The following SERAC1 variants were observed in gnomAD, a reference collection of about 807,000 sequenced individuals.
The protein encoded by SERAC1 is serine active site containing 1, also known as protein SERAC1.
In SERAC1, 36 loss-of-function variants were observed where a neutral mutation model predicts 85.7. The ratio of observed to expected loss-of-function variants is 0.42; its 90% confidence interval spans 0.32 to 0.55. SERAC1 has a LOEUF of 0.55. SERAC1 is among the 20% of genes least tolerant of loss of function. The pLI, the probability that SERAC1 is intolerant of heterozygous loss-of-function variation, is 0.11. For missense variants in SERAC1, 629 were observed against 796.2 expected, an observed-to-expected ratio of 0.79 and a Z score of 2.53; for synonymous variants, 242 against 265.3, an observed-to-expected ratio of 0.91 and a Z score of 0.85.
chr6:158,152,064 G>A (rs1448042374), intron 3 of SERAC1, among the ~76,000 whole-genome samples: 1 of 152,062 alleles, frequency 6.6e-6, no homozygotes, highest in Non-Finnish European at 1.5e-5. Context: ...GTTAATTATT[G>A]AAGAAAAAAA....
chr6:158,135,911 A>G (rs926760160), intron 8 of SERAC1, among the ~76,000 whole-genome samples: 4 of 152,024 alleles, frequency 2.6e-5, no homozygotes, highest in Admixed American at 2.0e-4. Flanking sequence ...CCCGGTTCAC[A>G]CCATTCTCCT....
chr6:158,148,802 T>C (rs1282807005), intron 5 of SERAC1, 63 bp downstream of exon 5: 1 of 1,172,894 alleles, frequency 8.5e-7, no homozygotes, highest in African/African-American at 1.6e-5. Flanking sequence ...AAGTATCAGG[T>C]TGATCATTCC....
rs1784099577 is a variant in SERAC1, at chr6:158,109,755, C to T, written c.*1611G>A. 3.9e-5 allele frequency: 6 copies of T among 152,114 alleles called. No homozygotes were observed. In the South Asian group the frequency reaches 1.2e-3, roughly 32 times the overall value. The allele number at this position is 152,114 out of a possible 1,614,324, so 9.4% of individuals were successfully genotyped here. A position where few individuals can be genotyped will look rare whatever the true frequency, so the allele number is the denominator to read the frequency against. ...ACAAAAATGAACAGAACCTAGATGT[C>T]CATCAGCTGATGAATGGATAAAGAA... On this transcript the variant is annotated 3_prime_UTR_variant, in exon 17 of 17. Transcript: ENST00000647468.
At chr6:158,130,920 AAAAG>A (rs1223144324) in intron 8 of SERAC1, among the ~76,000 whole-genome samples, 2 of 152,352 alleles carry the variant, frequency 1.3e-5, no homozygotes, top group South Asian at 4.1e-4. Context: ...GGACAAGTTA[AAAAG>A]AAAGAACACG....
chr6:158,122,291 C>T (rs867962711), intron 10 of SERAC1, among the ~76,000 whole-genome samples: 16 of 152,202 alleles, frequency 1.1e-4, no homozygotes, highest in Non-Finnish European at 4.4e-5. Context: ...CAGAATGTTT[C>T]TCCACTATTA....
intron 1 of SERAC1, chr6:158,160,926 CCTTA>C (rs1209651967): frequency 1.3e-5 from 2 of 152,264 alleles, no homozygotes; most frequent in African/African-American, 4.8e-5. Flanking sequence ...CAGTTTCCTT[CCTTA>C]CTTTTGTTTC....
chr6:158,164,152 C>T (rs1337505322), intron 1 of SERAC1, among the ~76,000 whole-genome samples: 1 of 152,064 alleles, frequency 6.6e-6, no homozygotes, highest in East Asian at 1.9e-4. Flanking sequence ...ATTTTAGAGT[C>T]TGCTTGTCAA....
intron 8 of SERAC1, among the ~76,000 whole-genome samples, chr6:158,136,107 G>A (rs549065061): frequency 2.0e-5 from 3 of 152,126 alleles, no homozygotes; most frequent in Non-Finnish European, 4.4e-5. Flanking sequence ...ACTGCGCCCA[G>A]CCAGTAATTG....
At chr6:158,135,291 G>A (rs1269818433) in intron 8 of SERAC1, among the ~76,000 whole-genome samples, 2 of 152,112 alleles carry the variant, frequency 1.3e-5, no homozygotes, top group Non-Finnish European at 2.9e-5. Context: ...CAGCACTTTG[G>A]GAGGCCAAGG....
chr6:158,116,406 A>G (rs1370455632), intron 13 of SERAC1, 124 bp from the exon 14 acceptor site: 2 of 685,572 alleles, frequency 2.9e-6, no homozygotes, highest in African/African-American at 3.6e-5. Flanking sequence ...TTAGAGTAAG[A>G]AATACCCCCA....
intron 8 of SERAC1, among the ~76,000 whole-genome samples, chr6:158,139,637 A>C (rs1230327469): frequency 6.6e-6 from 1 of 152,190 alleles, no homozygotes; most frequent in Non-Finnish European, 1.5e-5. Flanking sequence ...AGGTGGGAGG[A>C]TCACTTGAGC....
In SERAC1 at chr6:158,120,613, A is replaced by C. The variant is rs752578085; in HGVS notation, c.1016-38T>G. ...ACACATATCCTAAATACTGATGTGA[A>C]TCCATCGCAGACCACAGAGAGAGTG... On this transcript the variant is annotated intron_variant, in intron 10 of 16. Transcript: ENST00000647468. The surrounding 1 kb of genome is among the most constrained non-coding windows in gnomAD (Gnocchi z 4.4). 2 of 1,601,726 alleles carry C rather than the reference A, an allele frequency of 1.2e-6. No homozygotes were observed. Among genetic ancestry groups the C allele is most frequent in the Non-Finnish European group, 1.7e-6 (2 of 1,173,736 alleles).
chr6:158,147,486 C>T (rs934762853), intron 5 of SERAC1, among the ~76,000 whole-genome samples: 3 of 151,380 alleles, frequency 2.0e-5, no homozygotes, highest in East Asian at 1.9e-4. Flanking sequence ...ATAGGCTGGG[C>T]GAGGTGGCTC....
rs1784368180 is a variant in SERAC1 at position 158,119,435 on chromosome 6, G to GCAAT, written c.1167-269_1167-266dup. 6.6e-6 allele frequency among the ~76,000 whole-genome samples: 1 copy of GCAAT among 152,172 alleles called. No homozygotes were observed. Among genetic ancestry groups the GCAAT allele is most frequent in the Non-Finnish European group, 1.5e-5 (1 of 68,028 alleles). ...ACCACAATCAATTGTAATGAGCTTAGCAATCAATCAACTGACAGATGTCAT... is the reference window on the plus strand; with the variant it reads ...ACCACAATCAATTGTAATGAGCTTAGCAATCAATCAATCAACTGACAGATGTCAT... On this transcript the variant is annotated intron_variant, in intron 11 of 16. Coordinates refer to ENST00000647468, the MANE Select transcript of SERAC1 (RefSeq NM_032861.4). This position sits in a 1 kb window ranked among gnomAD's most constrained non-coding sequence, Gnocchi z 4.5.
At chr6:158,121,750 G>GAGAT (rs1348648766) in intron 10 of SERAC1, among the ~76,000 whole-genome samples, 3 of 152,104 alleles carry the variant, frequency 2.0e-5, no homozygotes, top group Non-Finnish European at 4.4e-5. Flanking sequence ...TATATCTATA[G>GAGAT]AGATAGACAA....
At chr6:158,150,312 G>C (rs1229781178) in intron 4 of SERAC1, 141 bp downstream of exon 4, 2 of 597,442 alleles carry the variant, frequency 3.3e-6, no homozygotes, top group African/African-American at 3.7e-5. Flanking sequence ...TAATTCTTCA[G>C]GAACTTGGTT....
rs773193644 is a variant in SERAC1 at position 158,113,446 on chromosome 6, T to C, written c.1828+3A>G. The C allele has an allele frequency of 2.7e-5, 44 of 1,610,452 alleles. No individual in the cohort carries two copies. Among genetic ancestry groups the C allele is most frequent in the Admixed American group, 1.0e-4 (6 of 59,816 alleles). The stretch of plus-strand genomic sequence containing the variant: ...AGCCAACAAGTTTCAAAAGAGTGAA[T>C]ACCTGCTGATTCCACAGGTACCACA... On this transcript the variant is annotated splice_donor_region_variant and intron_variant, in intron 16 of 16. Transcript: ENST00000647468.
In SERAC1 at chr6:158,113,385, T is replaced by C; in HGVS notation, c.1828+64A>G. On this transcript the variant is annotated intron_variant, in intron 16 of 16. Coordinates refer to ENST00000647468, the MANE Select transcript of SERAC1 (RefSeq NM_032861.4). ...AGAACCTGGATATAAAAATTGCTGT[T>C]TACAAGTAAATGCTAGGTATAATTA... 4 of 1,405,668 alleles carry C rather than the reference T, an allele frequency of 2.8e-6. No homozygotes were observed. In the South Asian group the frequency reaches 5.1e-5, roughly 18 times the overall value. The allele number at this position is 1,405,668 out of a possible 1,614,324, so 87.1% of individuals were successfully genotyped here.
At position 158,117,621 on chromosome 6, in the gene SERAC1, T is replaced by A; in HGVS notation, c.1403+106A>T. ...ATTAGGTTTGTTCTTCATAAGAAAA[T>A]CCTGTCTGTGGCATCAAAAAATTAA... On this transcript the variant is annotated intron_variant, in intron 13 of 16. Transcript: ENST00000647468. The surrounding 1 kb of genome is among the most constrained non-coding windows in gnomAD (Gnocchi z 4.3). 1 of 1,579,948 alleles carries A rather than the reference T, an allele frequency of 6.3e-7. No individual in the cohort carries two copies. The highest frequency in any genetic ancestry group is 8.6e-7 in the Non-Finnish European group (1 of 1,160,634).
Sources: allele counts gnomAD v4.1 joint callset (sites outside exome capture counted in the v4.1 genomes callset), GRCh38; gene constraint gnomAD v4.1.1; non-coding constraint Gnocchi (gnomAD v3.1); transcripts MANE v1.5; gene names NCBI Gene and HGNC (gene_info 2026-07-23, HGNC 2026-07-21).